Variants in CNTNAP2 observed in about 807,000 individuals in gnomAD.
CNTNAP2 encodes contactin associated protein 2.
In CNTNAP2, 98 loss-of-function variants were observed where a neutral mutation model predicts 155.2. The observed-to-expected ratio is 0.63, with a 90% CI of 0.54 to 0.75. The LOEUF is 0.75. CNTNAP2 is among the 30% of genes least tolerant of loss of function. The pLI is 0.00. For missense variants in CNTNAP2, 1,727 were observed against 1,688.1 expected (o/e 1.02, Z -0.40); for synonymous variants, 651 against 631.2 (o/e 1.03, Z -0.47).
intron 1 of CNTNAP2, among the ~76,000 whole-genome samples, chr7:146,583,253 G>A (rs1798639365): frequency 6.6e-6 from 1 of 152,170 alleles, no homozygotes; most frequent in Non-Finnish European, 1.5e-5. Context: ...AATACTGGGA[G>A]GAGTGTAGGG....
At chr7:146,907,772 A>C (rs1194700682) in intron 3 of CNTNAP2, among the ~76,000 whole-genome samples, 3 of 151,168 alleles carry the variant, frequency 2.0e-5, no homozygotes, top group African/African-American at 4.9e-5. Context: ...CTAACATCAT[A>C]ATGACAGGAT....
At chr7:147,799,361 C>T (rs895251083) in intron 13 of CNTNAP2, among the ~76,000 whole-genome samples, 1 of 152,026 alleles carries the variant, frequency 6.6e-6, no homozygotes, top group African/African-American at 2.4e-5. Context: ...ATTCATCCTG[C>T]AATCATGTAG....
At position 146,144,144 on chromosome 7, in the gene CNTNAP2, T is replaced by A. The variant is rs567604726; in HGVS notation, c.97+27171T>A. Among the ~76,000 whole-genome samples the A allele has an allele frequency of 1.3e-4, 19 of 151,972 alleles. No homozygotes were observed. In the East Asian group the frequency reaches 3.5e-3, roughly 28 times the overall value. ...GCTTTTTGTGACTTCCTAAAATATT[T>A]ATTTATTTATTTATTTATTTATTTT... On this transcript the variant is annotated intron_variant, in intron 1 of 23. Transcript: ENST00000361727.
At chr7:147,281,826 A>G (rs1330797522) in intron 8 of CNTNAP2, among the ~76,000 whole-genome samples, 2 of 151,744 alleles carry the variant, frequency 1.3e-5, no homozygotes, top group African/African-American at 2.4e-5. Flanking sequence ...TTTTTGGCCA[A>G]TCCACTCTTA....
In CNTNAP2 at chr7:147,998,781, G is replaced by A. The variant is rs181207928; in HGVS notation, c.2383+20792G>A. On this transcript the variant is annotated intron_variant, in intron 15 of 23. Transcript: ENST00000361727. ...GACCTGAGTTGGAACCAGAAAAACC[G>A]ACAAATGCCAATAATCCCAGAGCTG... Among the ~76,000 whole-genome samples the A allele has an allele frequency of 4.6e-5, 7 of 152,280 alleles. No homozygotes were observed. The East Asian group carries it at 5.8e-4, about 13-fold the overall frequency.
At chr7:147,225,749 A>G (rs1367932144) in intron 8 of CNTNAP2, among the ~76,000 whole-genome samples, 3 of 30,930 alleles carry the variant, frequency 9.7e-5, no homozygotes, top group African/African-American at 6.5e-4. Context: ...GAAAGAAGGA[A>G]GGAAGGAAGG....
At chr7:148,011,555 G>C (rs1802081461) in intron 15 of CNTNAP2, among the ~76,000 whole-genome samples, 1 of 152,028 alleles carries the variant, frequency 6.6e-6, no homozygotes, top group Non-Finnish European at 1.5e-5. Context: ...ATCTGTTTTG[G>C]TATTTTTGTT....
intron 3 of CNTNAP2, among the ~76,000 whole-genome samples, chr7:146,908,650 C>T (rs1171575893): frequency 1.6e-5 from 2 of 125,818 alleles, no homozygotes; most frequent in Admixed American, 8.0e-5. Flanking sequence ...GCATTCAAAG[C>T]AGTGTGTAGA....
intron 1 of CNTNAP2, among the ~76,000 whole-genome samples, chr7:146,147,945 A>G (rs895897496): frequency 4.6e-5 from 7 of 152,126 alleles, no homozygotes; most frequent in Non-Finnish European, 7.4e-5. Context: ...ATATTTTTCA[A>G]AGTGTCAGAA....
intron 15 of CNTNAP2, among the ~76,000 whole-genome samples, chr7:148,094,302 A>T (rs1392275898): frequency 6.6e-6 from 1 of 152,226 alleles, no homozygotes; most frequent in Non-Finnish European, 1.5e-5. Flanking sequence ...ACAGTAAATG[A>T]CACATATTAA....
At chr7:147,850,429 A>T (rs1371231014) in intron 13 of CNTNAP2, among the ~76,000 whole-genome samples, 1 of 152,214 alleles carries the variant, frequency 6.6e-6, no homozygotes, top group Non-Finnish European at 1.5e-5. Context: ...TAAAGTTCAT[A>T]TGCAACCAAA....
chr7:147,798,541 G>A (rs1797938212), intron 13 of CNTNAP2, among the ~76,000 whole-genome samples: 1 of 152,168 alleles, frequency 6.6e-6, no homozygotes, highest in Non-Finnish European at 1.5e-5. Flanking sequence ...AGATGGCTGT[G>A]TTAGCTACAG....
chr7:148,115,140 G>T (rs1372670701), intron 15 of CNTNAP2, among the ~76,000 whole-genome samples: 2 of 152,226 alleles, frequency 1.3e-5, no homozygotes, highest in African/African-American at 2.4e-5. Context: ...GATTGAAGTT[G>T]CTTAGTGAGC....
At chr7:148,058,012 T>C (rs1803055876) in intron 15 of CNTNAP2, among the ~76,000 whole-genome samples, 1 of 150,470 alleles carries the variant, frequency 6.6e-6, no homozygotes, top group Non-Finnish European at 1.5e-5. Flanking sequence ...TTTGACAAAG[T>C]GAACTGAGGT....
At chr7:146,699,784 A>G (rs967152862) in intron 1 of CNTNAP2, among the ~76,000 whole-genome samples, 16 of 152,142 alleles carry the variant, frequency 1.1e-4, no homozygotes, top group Admixed American at 7.9e-4. Flanking sequence ...CCTGGCCAAC[A>G]CAGCGAAACC....
intron 21 of CNTNAP2, among the ~76,000 whole-genome samples, chr7:148,270,960 T>C (rs1796767121): frequency 6.6e-6 from 1 of 152,208 alleles, no homozygotes; most frequent in Non-Finnish European, 1.5e-5. Flanking sequence ...GAGACTTTTT[T>C]TGAAACTAAT....
At chr7:146,938,434 C>A (rs900224892) in intron 3 of CNTNAP2, among the ~76,000 whole-genome samples, 1 of 148,856 alleles carries the variant, frequency 6.7e-6, no homozygotes, top group Non-Finnish European at 1.5e-5. Flanking sequence ...TACATGTATA[C>A]ATGTGTGTAT....
chr7:146,720,720 T>C (rs1389892785), intron 1 of CNTNAP2, among the ~76,000 whole-genome samples: 1 of 151,812 alleles, frequency 6.6e-6, no homozygotes, highest in African/African-American at 2.4e-5. Context: ...TGTATGTCTG[T>C]CTTTGGTTTG....
chr7:147,367,405 G>C (rs1415697712), intron 9 of CNTNAP2, among the ~76,000 whole-genome samples: 1 of 152,146 alleles, frequency 6.6e-6, no homozygotes. Context: ...TGTGTGAAAA[G>C]TTGTATGACC....
Sources: allele counts gnomAD v4.1 joint callset (sites outside exome capture counted in the v4.1 genomes callset), GRCh38; gene constraint gnomAD v4.1.1; transcripts MANE v1.5; gene names NCBI Gene and HGNC (gene_info 2026-07-23, HGNC 2026-07-21).